DOCK4: variants seen among roughly 807,000 people sequenced by gnomAD.
DOCK4 encodes the protein dedicator of cytokinesis protein 4.
A neutral mutation model predicts 268.1 loss-of-function variants in DOCK4; 97 were observed. The ratio of observed to expected loss-of-function variants is 0.36; its 90% CI spans 0.31 to 0.43. The LOEUF (loss-of-function observed/expected upper bound fraction) is 0.43, where lower values mean the gene tolerates loss of function less well. DOCK4 is among the 20% of genes least tolerant of loss of function. DOCK4 has a pLI of 1.00. For missense variants in DOCK4, 2,145 were observed against 2,455.7 expected, an observed-to-expected ratio of 0.87 and a Z score of 2.67; for synonymous variants, 954 against 887.2, an observed-to-expected ratio of 1.08 and a Z score of -1.34.
chr7:112,196,774 T>C (rs1820488717), intron 1 of DOCK4, among the ~76,000 whole-genome samples: 1 of 152,196 alleles, frequency 6.6e-6, no homozygotes, highest in Admixed American at 6.5e-5. Flanking sequence ...TATTGAGGTA[T>C]TGTTAACTAA....
At chr7:112,002,979 A>G (rs1800550441) in intron 2 of DOCK4, among the ~76,000 whole-genome samples, 1 of 150,262 alleles carries the variant, frequency 6.7e-6, no homozygotes, top group African/African-American at 2.5e-5. Context: ...TGAAACCAGG[A>G]GGCAGAGGTT....
chr7:112,117,943 T>C lies in DOCK4; in HGVS notation c.37+88159A>G, dbSNP rs1002220675. Among the ~76,000 whole-genome samples the C allele has an allele frequency of 5.3e-5, 8 of 152,200 alleles. No individual in the cohort carries two copies. The East Asian group carries it at 1.2e-3, about 22-fold the overall frequency. ...GCACTTTCTAAAAGCCTCTCTCCACTCAACTCTTTAAAACCTTTCTTCTCA... is the reference window on the plus strand; with the variant it reads ...GCACTTTCTAAAAGCCTCTCTCCACCCAACTCTTTAAAACCTTTCTTCTCA... On this transcript the variant is annotated intron_variant, in intron 1 of 52. Coordinates refer to ENST00000428084, the MANE Select transcript of DOCK4 (RefSeq NM_001363540.2).
At chr7:112,058,024 ATTTT>A (rs67991598) in intron 1 of DOCK4, among the ~76,000 whole-genome samples, 3,088 of 114,998 alleles carry the variant, frequency 0.027, 118 homozygotes, top group African/African-American at 0.093. Context: ...TACAGGTTCA[ATTTT>A]TTTTTTTTTT....
At chr7:112,143,791 G>T (rs1563127685) in intron 1 of DOCK4, among the ~76,000 whole-genome samples, 1 of 152,042 alleles carries the variant, frequency 6.6e-6, no homozygotes, top group Non-Finnish European at 1.5e-5. Context: ...AGCCTGCCAG[G>T]GCTAACCTCA....
intron 30 of DOCK4, among the ~76,000 whole-genome samples, chr7:111,805,935 G>A (rs1800632505): frequency 6.6e-6 from 1 of 152,104 alleles, no homozygotes; most frequent in African/African-American, 2.4e-5. Flanking sequence ...AATCATAAAA[G>A]CTTACTAGCT....
chr7:111,938,708 A>C (rs1184188592), intron 11 of DOCK4, among the ~76,000 whole-genome samples: 4 of 152,218 alleles, frequency 2.6e-5, no homozygotes, highest in African/African-American at 9.6e-5. Flanking sequence ...CCTAACCCCC[A>C]GTACCTCAGA....
intron 22 of DOCK4, among the ~76,000 whole-genome samples, chr7:111,867,199 C>A (rs1289502415): frequency 6.6e-6 from 1 of 152,146 alleles, no homozygotes; most frequent in African/African-American, 2.4e-5. Context: ...AGTACCAAAT[C>A]ATAACAATAC....
chr7:112,111,713 T>C (rs1314946276), intron 1 of DOCK4, among the ~76,000 whole-genome samples: 1 of 152,132 alleles, frequency 6.6e-6, no homozygotes, highest in African/African-American at 2.4e-5. Flanking sequence ...GTTCCTAATA[T>C]AAGGGCCAGG....
intron 36 of DOCK4, 121 bp downstream of exon 36, chr7:111,778,155 A>T (rs1425532867): frequency 1.6e-6 from 1 of 621,286 alleles, no homozygotes; most frequent in Admixed American, 3.1e-5. Context: ...CCAATTAAAA[A>T]TAAATTTTAA....
intron 25 of DOCK4, chr7:111,840,752 C>A: frequency 8.0e-7 from 1 of 1,247,222 alleles, no homozygotes; most frequent in Non-Finnish European, 1.0e-6. Flanking sequence ...GTGGGATCTG[C>A]GTTTACTCAC....
chr7:112,188,085 A>G (rs1819623937), intron 1 of DOCK4, among the ~76,000 whole-genome samples: 1 of 152,246 alleles, frequency 6.6e-6, no homozygotes, highest in African/African-American at 2.4e-5. Context: ...TTTATCAAAT[A>G]CTTACCAAAA....
chr7:111,848,248 A>G lies in DOCK4; in HGVS notation c.2474-1122T>C, dbSNP rs77392257. Among the ~76,000 whole-genome samples the G allele has an allele frequency of 5.7e-3, 865 of 151,980 alleles. 10 individuals are homozygous for G. Among genetic ancestry groups the G allele is most frequent in the African/African-American group, 0.02 (817 of 41,444 alleles). ...ATTCCCATACCTTATCTTCCAAATCATGTATTCAGTTTTATTATTTATGCT... is the reference window on the plus strand; with the variant it reads ...ATTCCCATACCTTATCTTCCAAATCGTGTATTCAGTTTTATTATTTATGCT... On this transcript the variant is annotated intron_variant, in intron 23 of 52. Transcript: ENST00000428084.
chr7:111,861,823 T>C (rs553758981), intron 23 of DOCK4, among the ~76,000 whole-genome samples: 1 of 150,802 alleles, frequency 6.6e-6, no homozygotes, highest in South Asian at 2.1e-4. Context: ...ACTGTTATCA[T>C]TTAAAGATGA....
At position 111,863,564 on chromosome 7, in the gene DOCK4, C is replaced by T; in HGVS notation, c.2281G>A (p.Ala761Thr). Residue 761 changes from alanine (A) to threonine (T), a missense_variant and splice_region_variant, in exon 23 of 53, where the codon GCT becomes ACT. Ala to Thr is a moderately conservative substitution (Grantham distance 58). Transcript: ENST00000428084. ...KGSGALSQSQAVFLSSFPAVY... is the reference protein window; with the variant it reads ...KGSGALSQSQTVFLSSFPAVY... ...GCAGGGAAAGAGCTCAGAAACACAG[C>T]CTTAAAAAGAAGAAGACATTTAAAT... The T allele has an allele frequency of 6.3e-7, 1 of 1,590,462 alleles. No homozygotes were observed. The highest frequency in any genetic ancestry group is 1.1e-5 in the South Asian group (1 of 88,186).
intron 7 of DOCK4, among the ~76,000 whole-genome samples, chr7:111,979,982 T>G (rs1470472491): frequency 6.6e-6 from 1 of 152,168 alleles, no homozygotes; most frequent in Non-Finnish European, 1.5e-5. Context: ...AGACTGGTAG[T>G]TTTAAAAGCT....
intron 36 of DOCK4, among the ~76,000 whole-genome samples, chr7:111,777,290 T>G (rs1168450585): frequency 3.3e-5 from 5 of 152,168 alleles, no homozygotes; most frequent in Non-Finnish European, 7.3e-5. Flanking sequence ...CATTCTTAGA[T>G]GAAGGAAAAC....
chr7:111,921,705 C>T (rs1414731636), intron 12 of DOCK4, among the ~76,000 whole-genome samples: 1 of 152,084 alleles, frequency 6.6e-6, no homozygotes, highest in African/African-American at 2.4e-5. Flanking sequence ...GCACCAATTC[C>T]ATAAAATACT....
In DOCK4 at chr7:111,728,032, CTA is replaced by C; in HGVS notation, c.*240_*241del. The C allele has an allele frequency of 2.5e-6, 1 of 394,028 alleles. No individual in the cohort carries two copies. Among genetic ancestry groups the C allele is most frequent in the Non-Finnish European group, 4.5e-6 (1 of 224,234 alleles). The allele number at this position is 394,028 out of a possible 1,614,324, so 24.4% of individuals were successfully genotyped here. ...AAAGGTACAAAAGGAGTCTTTATCA[CTA>C]TTTACCACTTCCAAATGAGAAACGT... On this transcript the variant is annotated 3_prime_UTR_variant, in exon 53 of 53. Coordinates refer to ENST00000428084, the MANE Select transcript of DOCK4 (RefSeq NM_001363540.2).
chr7:111,782,254 G>A (rs923752781), intron 35 of DOCK4, among the ~76,000 whole-genome samples: 4 of 152,132 alleles, frequency 2.6e-5, no homozygotes, highest in Non-Finnish European at 5.9e-5. Context: ...CTTTGGATTA[G>A]CCTGTTATCC....
Sources: allele counts gnomAD v4.1 joint callset (sites outside exome capture counted in the v4.1 genomes callset), GRCh38; gene constraint gnomAD v4.1.1; transcripts MANE v1.5; gene names NCBI Gene and HGNC (gene_info 2026-07-23, HGNC 2026-07-21).